GALNTL6: variants seen among roughly 807,000 people sequenced by gnomAD.
GALNTL6 encodes the protein polypeptide N-acetylgalactosaminyltransferase like 6, also known as polypeptide N-acetylgalactosaminyltransferase-like 6.
A neutral mutation model predicts 73.7 loss-of-function variants in GALNTL6; 46 were observed. The ratio of observed to expected loss-of-function variants is 0.62; its 90% CI spans 0.49 to 0.80. The LOEUF (loss-of-function observed/expected upper bound fraction) is 0.80. Among genes scored for constraint, GALNTL6 ranks in the 30% least tolerant of loss-of-function variants. GALNTL6 has a pLI of 0.00. For synonymous variants in GALNTL6, 259 were observed against 263.7 expected, an observed-to-expected ratio of 0.98 and a Z score of 0.17; for missense variants, 604 against 755.0, an observed-to-expected ratio of 0.80 and a Z score of 2.34.
chr4:172,198,279 CA>C (rs71592054), intron 2 of GALNTL6, among the ~76,000 whole-genome samples: 5,730 of 143,310 alleles, frequency 0.04, 112 homozygotes, highest in Non-Finnish European at 0.045. Flanking sequence ...ATCTGCACAT[CA>C]AAAAAAAAAA....
chr4:172,450,027 G>C (rs1007061359), intron 5 of GALNTL6, among the ~76,000 whole-genome samples: 10 of 151,964 alleles, frequency 6.6e-5, no homozygotes, highest in African/African-American at 2.4e-4. Context: ...AGACCAACCT[G>C]ACGAACATGG....
At chr4:172,571,884 G>A (rs1207964171) in intron 5 of GALNTL6, among the ~76,000 whole-genome samples, 1 of 152,142 alleles carries the variant, frequency 6.6e-6, no homozygotes, top group Non-Finnish European at 1.5e-5. Context: ...TCAAATGGTT[G>A]CAACTCCTGG....
At chr4:172,992,754 GA>G (rs1751597591) in intron 10 of GALNTL6, among the ~76,000 whole-genome samples, 1 of 152,272 alleles carries the variant, frequency 6.6e-6, no homozygotes, top group East Asian at 1.9e-4. Context: ...GAGCAACTGG[GA>G]GGTTATTATC....
chr4:172,194,903 G>A (rs28779012), intron 2 of GALNTL6, among the ~76,000 whole-genome samples: 3 of 151,982 alleles, frequency 2.0e-5, no homozygotes, highest in Non-Finnish European at 4.4e-5. Flanking sequence ...CTGCAAAATA[G>A]CCAGCTAGTA....
intron 7 of GALNTL6, among the ~76,000 whole-genome samples, chr4:172,822,583 G>A (rs1412246979): frequency 6.6e-6 from 1 of 152,062 alleles, no homozygotes; most frequent in African/African-American, 2.4e-5. Flanking sequence ...CTCATTCTTG[G>A]TCTTGCTTCA....
chr4:172,374,829 G>A (rs968762883), intron 5 of GALNTL6, among the ~76,000 whole-genome samples: 1 of 152,196 alleles, frequency 6.6e-6, no homozygotes. Context: ...TCTAACAGTA[G>A]CATGACATCT....
chr4:172,686,776 T>C (rs1009270686), intron 5 of GALNTL6, among the ~76,000 whole-genome samples: 7 of 152,228 alleles, frequency 4.6e-5, no homozygotes, highest in African/African-American at 1.7e-4. Flanking sequence ...GATTCAATCA[T>C]GTATGTGTTT....
intron 2 of GALNTL6, among the ~76,000 whole-genome samples, chr4:171,821,665 A>ATATATATATG (rs1259102534): frequency 1.5e-5 from 2 of 136,916 alleles, no homozygotes; most frequent in African/African-American, 5.2e-5. Context: ...ATATATATAT[A>ATATATATATG]TAGTTATTAC....
At chr4:171,993,037 A>T (rs997938901) in intron 2 of GALNTL6, among the ~76,000 whole-genome samples, 5 of 151,326 alleles carry the variant, frequency 3.3e-5, no homozygotes, top group African/African-American at 9.7e-5. Context: ...ACATCCTTTA[A>T]GTCCCCCCTT....
At chr4:171,978,055 T>C (rs1023912593) in intron 2 of GALNTL6, among the ~76,000 whole-genome samples, 2 of 152,044 alleles carry the variant, frequency 1.3e-5, no homozygotes, top group African/African-American at 4.8e-5. Flanking sequence ...AAAACCGCCA[T>C]TACTAACACC....
intron 5 of GALNTL6, among the ~76,000 whole-genome samples, chr4:172,729,239 T>C (rs1736007636): frequency 6.6e-6 from 1 of 152,138 alleles, no homozygotes; most frequent in African/African-American, 2.4e-5. Context: ...CTTTATGTAA[T>C]CCCATTTGTC....
chr4:172,127,896 G>A (rs10011409), intron 2 of GALNTL6, among the ~76,000 whole-genome samples: 69,052 of 151,720 alleles, frequency 0.46, 16,576 homozygotes, highest in African/African-American at 0.6. Context: ...TGAGGTCAGG[G>A]GTTTGAGGCC....
intron 5 of GALNTL6, among the ~76,000 whole-genome samples, chr4:172,442,620 A>T (rs189448492): frequency 3.2e-4 from 48 of 152,298 alleles, no homozygotes; most frequent in African/African-American, 1.1e-3. Context: ...GCTCTATCCC[A>T]TCAGCTTATG....
At chr4:172,744,849 G>A (rs1300870984) in intron 5 of GALNTL6, among the ~76,000 whole-genome samples, 17 of 151,304 alleles carry the variant, frequency 1.1e-4, no homozygotes, top group African/African-American at 2.7e-4. Flanking sequence ...GCGTGTGTGT[G>A]TGTGTGTGTG....
At chr4:172,906,482 C>CA (rs1464251872) in intron 8 of GALNTL6, among the ~76,000 whole-genome samples, 1 of 152,104 alleles carries the variant, frequency 6.6e-6, no homozygotes. Context: ...TCAAACAATA[C>CA]AAAATAATCT....
At chr4:171,976,066 G>A (rs1399096418) in intron 2 of GALNTL6, among the ~76,000 whole-genome samples, 3 of 152,036 alleles carry the variant, frequency 2.0e-5, no homozygotes, top group Non-Finnish European at 4.4e-5. Flanking sequence ...GGGATTACAG[G>A]GGTGCGCCAC....
intron 2 of GALNTL6, among the ~76,000 whole-genome samples, chr4:172,029,833 T>C (rs10010922): frequency 0.3 from 45,360 of 152,032 alleles, 7,804 homozygotes; most frequent in Middle Eastern, 0.39. Flanking sequence ...AGGTGTTTTA[T>C]GATTTTTATA....
chr4:172,996,719 C>T (rs571019228), intron 10 of GALNTL6, among the ~76,000 whole-genome samples: 1 of 152,284 alleles, frequency 6.6e-6, no homozygotes, highest in South Asian at 2.1e-4. Flanking sequence ...AACTTGCACT[C>T]AGGCAGAACC....
chr4:172,301,351 G>A (rs1019290383), intron 3 of GALNTL6, among the ~76,000 whole-genome samples: 16 of 152,234 alleles, frequency 1.1e-4, no homozygotes, highest in African/African-American at 3.9e-4. Flanking sequence ...ATCGTCTGAA[G>A]CCTTCTTCTC....
Sources: allele counts gnomAD v4.1 joint callset (sites outside exome capture counted in the v4.1 genomes callset), GRCh38; gene constraint gnomAD v4.1.1; transcripts MANE v1.5; gene names NCBI Gene and HGNC (gene_info 2026-07-23, HGNC 2026-07-21).